PTPRG: variants seen among roughly 807,000 people sequenced by gnomAD.
PTPRG encodes the protein receptor-type tyrosine-protein phosphatase gamma.
Under a neutral mutation model 165.3 loss-of-function variants are expected in PTPRG, and 102 were observed. That is an observed-to-expected ratio of 0.62 (90% confidence interval 0.53 to 0.73). The LOEUF (loss-of-function observed/expected upper bound fraction) is 0.73, where lower values mean the gene tolerates loss of function less well. Among genes scored for constraint, PTPRG ranks in the 30% least tolerant of loss-of-function variants. PTPRG has a pLI of 0.00. For synonymous variants in PTPRG, 675 were observed against 669.5 expected (o/e 1.01, Z -0.13); for missense variants, 1,866 against 1,861.4 (o/e 1.00, Z -0.05).
chr3:61,807,348 T>C lies in PTPRG; in HGVS notation c.190+58366T>C, dbSNP rs534280003. Among the ~76,000 whole-genome samples, 440 of 152,348 alleles carry C rather than the reference T, an allele frequency of 2.9e-3. 1 individual carries two copies. The highest frequency in any genetic ancestry group is 4.8e-3 in the Non-Finnish European group (325 of 68,036). Reference sequence around the variant, plus strand: ...TGGAGAGTTTAATTAAAGTTACTTGTCATTACTCAAGTTTACATCCGGTCT... The same window carrying C: ...TGGAGAGTTTAATTAAAGTTACTTGCCATTACTCAAGTTTACATCCGGTCT... On this transcript the variant is annotated intron_variant, in intron 2 of 29. Transcript: ENST00000474889.
In PTPRG at chr3:61,879,671, C is replaced by T. The variant is rs1214696331; in HGVS notation, c.191-109954C>T. On this transcript the variant is annotated intron_variant, in intron 2 of 29. Coordinates refer to ENST00000474889, the MANE Select transcript of PTPRG (RefSeq NM_002841.4). ...TATACAAGAGCATGTCATCTGTGAG[C>T]AGAGGTGGTTTTAATTCTTCCTTTG... 5.3e-5 allele frequency among the ~76,000 whole-genome samples: 8 copies of T among 152,228 alleles called. 1 individual carries two copies. The highest frequency in any genetic ancestry group is 4.4e-5 in the Non-Finnish European group (3 of 68,010).
At chr3:62,211,072 T>C (rs908377209) in intron 12 of PTPRG, among the ~76,000 whole-genome samples, 1 of 152,218 alleles carries the variant, frequency 6.6e-6, no homozygotes, top group African/African-American at 2.4e-5. Context: ...GGCAACATTA[T>C]TGACAATAGC....
intron 8 of PTPRG, among the ~76,000 whole-genome samples, chr3:62,188,515 C>T (rs1482388116): frequency 1.3e-5 from 2 of 152,200 alleles, no homozygotes; most frequent in Non-Finnish European, 2.9e-5. Context: ...TTTCTCTGGG[C>T]ACTGAGATTT....
intron 2 of PTPRG, among the ~76,000 whole-genome samples, chr3:61,835,935 G>C (rs961456917): frequency 6.6e-6 from 1 of 151,772 alleles, no homozygotes; most frequent in Non-Finnish European, 1.5e-5. Flanking sequence ...AGCTACTTGG[G>C]AGGCTAAGGC....
At chr3:62,027,400 T>C (rs926665928) in intron 4 of PTPRG, among the ~76,000 whole-genome samples, 12 of 152,108 alleles carry the variant, frequency 7.9e-5, no homozygotes, top group Admixed American at 3.3e-4. Flanking sequence ...CTCATTTCTA[T>C]TGCATTCCTC....
intron 5 of PTPRG, among the ~76,000 whole-genome samples, chr3:62,092,439 G>GGAA (rs369183881): frequency 3.4e-5 from 3 of 89,434 alleles, no homozygotes; most frequent in African/African-American, 5.0e-5. Flanking sequence ...GAGTCCATCT[G>GGAA]AAAAAAAAAA....
At chr3:62,148,988 CA>C (rs1704223143) in intron 6 of PTPRG, among the ~76,000 whole-genome samples, 1 of 151,980 alleles carries the variant, frequency 6.6e-6, no homozygotes, top group Non-Finnish European at 1.5e-5. Context: ...ATATATAAGA[CA>C]AAAAACTAGT....
intron 2 of PTPRG, among the ~76,000 whole-genome samples, chr3:61,850,396 C>T (rs1455922164): frequency 6.6e-6 from 1 of 152,186 alleles, no homozygotes; most frequent in Non-Finnish European, 1.5e-5. Flanking sequence ...AACTCCTGAC[C>T]TCAGGTGATC....
intron 1 of PTPRG, among the ~76,000 whole-genome samples, chr3:61,719,695 C>G (rs572420622): frequency 1.4e-4 from 21 of 152,258 alleles, no homozygotes; most frequent in Non-Finnish European, 2.4e-4. Context: ...ATTCTGAAGT[C>G]TCTCTGAATT....
chr3:61,634,853 GT>G (rs920031772), intron 1 of PTPRG, among the ~76,000 whole-genome samples: 3 of 152,178 alleles, frequency 2.0e-5, no homozygotes, highest in Admixed American at 6.5e-5. Context: ...TGCTGTGTTT[GT>G]TTTGCCAGTG....
chr3:61,738,292 A>ATGTG (rs1416708938), intron 1 of PTPRG, among the ~76,000 whole-genome samples: 1,522 of 73,966 alleles, frequency 0.021, 172 homozygotes, highest in Non-Finnish European at 0.03. Context: ...ATATATATAT[A>ATGTG]TATATATATA....
At chr3:62,225,629 T>C (rs1185262983) in intron 13 of PTPRG, among the ~76,000 whole-genome samples, 1 of 151,942 alleles carries the variant, frequency 6.6e-6, no homozygotes, top group African/African-American at 2.4e-5. Context: ...AAAGGCTTTG[T>C]ATATCTAAAG....
At chr3:61,612,134 G>T (rs1246713619) in intron 1 of PTPRG, among the ~76,000 whole-genome samples, 1 of 152,064 alleles carries the variant, frequency 6.6e-6, no homozygotes, top group Non-Finnish European at 1.5e-5. Context: ...GTAGAGACAG[G>T]GTTTCACCTT....
At chr3:61,609,520 C>G (rs1284818243) in intron 1 of PTPRG, among the ~76,000 whole-genome samples, 2 of 152,218 alleles carry the variant, frequency 1.3e-5, no homozygotes, top group African/African-American at 4.8e-5. Flanking sequence ...ACTACAAGCA[C>G]TCTACATCTC....
At chr3:61,806,104 G>A (rs994006469) in intron 2 of PTPRG, among the ~76,000 whole-genome samples, 5 of 152,088 alleles carry the variant, frequency 3.3e-5, no homozygotes, top group South Asian at 2.1e-4. Context: ...GATAAGCATC[G>A]AATATACTAA....
intron 2 of PTPRG, among the ~76,000 whole-genome samples, chr3:61,765,730 A>G (rs1470353839): frequency 6.6e-6 from 1 of 152,206 alleles, no homozygotes; most frequent in African/African-American, 2.4e-5. Context: ...GGTTACATAA[A>G]TGTAGTAGTA....
intron 2 of PTPRG, among the ~76,000 whole-genome samples, chr3:61,891,023 T>C (rs984571407): frequency 6.6e-6 from 1 of 152,166 alleles, no homozygotes; most frequent in Non-Finnish European, 1.5e-5. Context: ...TGTTGCATGT[T>C]TAAAAATTTT....
chr3:61,743,507 CTG>C (rs58642937), intron 1 of PTPRG, among the ~76,000 whole-genome samples: 36 of 150,752 alleles, frequency 2.4e-4, no homozygotes, highest in Non-Finnish European at 5.0e-4. Context: ...CCATGGGTGT[CTG>C]TGTGTGTGTG....
At chr3:62,151,168 C>T (rs1300081251) in intron 6 of PTPRG, among the ~76,000 whole-genome samples, 2 of 152,110 alleles carry the variant, frequency 1.3e-5, no homozygotes, top group Non-Finnish European at 2.9e-5. Context: ...ACAGAATCAG[C>T]CAGATATAAT....
Sources: gnomAD v4.1 joint callset for allele counts (sites outside exome capture counted in the v4.1 genomes callset) on GRCh38, gnomAD v4.1.1 for gene constraint, MANE v1.5 for transcripts, NCBI Gene and HGNC (gene_info 2026-07-23, HGNC 2026-07-21) for gene names.